Variants in MIER2 observed in about 807,000 individuals in gnomAD.
MIER2 encodes the protein MIER family member 2.
A neutral mutation model predicts 67.6 loss-of-function variants in MIER2; 30 were observed. That is an observed-to-expected ratio of 0.44 (90% CI 0.33 to 0.60). MIER2 has a LOEUF of 0.60. Ranked by LOEUF, MIER2 falls within the 20% of genes least tolerant of loss-of-function variation. The pLI is 0.02. For synonymous variants in MIER2, 372 were observed against 312.6 expected (o/e 1.19, Z -2.00); for missense variants, 702 against 745.1 (o/e 0.94, Z 0.67).
intron 1 of MIER2, among the ~76,000 whole-genome samples, chr19:341,697 C>T (rs1972511625): frequency 6.6e-6 from 1 of 152,134 alleles, no homozygotes; most frequent in African/African-American, 2.4e-5. Context: ...AGACAAAGTC[C>T]TCTGTTTTGT....
chr19:331,809 C>T (rs1232977700), intron 3 of MIER2, among the ~76,000 whole-genome samples: 4 of 151,760 alleles, frequency 2.6e-5, no homozygotes, highest in African/African-American at 7.3e-5. Flanking sequence ...GATGAAACCC[C>T]GTCTCTGCTA....
At chr19:343,945 T>C in intron 1 of MIER2, 1 of 985,440 alleles carries the variant, frequency 1.0e-6, no homozygotes, top group Non-Finnish European at 1.2e-6. Flanking sequence ...CACGAAGCTA[T>C]CTGTTGTCTT....
At chr19:323,175 C>G (rs1971568847) in intron 7 of MIER2, among the ~76,000 whole-genome samples, 1 of 149,626 alleles carries the variant, frequency 6.7e-6, no homozygotes, top group Non-Finnish European at 1.5e-5. Flanking sequence ...TCAAATGACA[C>G]AGACGTCATC....
intron 10 of MIER2, among the ~76,000 whole-genome samples, chr19:310,620 A>AGCTGTAGAAACATG (rs1600112509): frequency 1.6e-5 from 1 of 60,630 alleles, no homozygotes; most frequent in African/African-American, 1.1e-4. Flanking sequence ...ATAGAAACAC[A>AGCTGTAGAAACATG]GCCCGGAGCT....
chr19:307,028 C>A, intron 13 of MIER2, 91 bp downstream of exon 13: 1 of 1,431,316 alleles, frequency 7.0e-7, no homozygotes, highest in Middle Eastern at 2.3e-4. Flanking sequence ...GTCCTTGGGG[C>A]AAATGCCTCC....
At chr19:338,494 G>T (rs1003151027) in intron 1 of MIER2, among the ~76,000 whole-genome samples, 7 of 152,046 alleles carry the variant, frequency 4.6e-5, no homozygotes, top group African/African-American at 1.7e-4. Flanking sequence ...ACATTAAGAC[G>T]GCAACACCCC....
chr19:306,628 A>C lies in MIER2; in HGVS notation c.*62T>G. The C allele has an allele frequency of 3.2e-6, 5 of 1,545,280 alleles. No homozygotes were observed. Among genetic ancestry groups the C allele is most frequent in the Non-Finnish European group, 4.4e-6 (5 of 1,142,826 alleles). The stretch of plus-strand genomic sequence containing the variant: ...GGGAAGGGGTCAGGAAGACTGACAG[A>C]GGCGGGCCCAGCGGCAGCGCTAAGT... On this transcript the variant is annotated 3_prime_UTR_variant, in exon 14 of 14. Coordinates refer to ENST00000264819, the MANE Select transcript of MIER2 (RefSeq NM_017550.3).
At chr19:338,547 G>C (rs916727881) in intron 1 of MIER2, among the ~76,000 whole-genome samples, 1 of 151,520 alleles carries the variant, frequency 6.6e-6, no homozygotes, top group Non-Finnish European at 1.5e-5. Context: ...CAGAACCCCA[G>C]TTGGCTTCTT....
In MIER2 at chr19:334,537, A is replaced by G; in HGVS notation, c.106T>C (p.Ser36Pro). ...AACTGATGGTCTCCAGAGCCCATGG[A>G]CACCACTGGGGAGAAGAGAGCAGCC... Reference protein sequence around the residue: ...EPGLQTTAVVSMGSGDHQFNL... With the variant: ...EPGLQTTAVVPMGSGDHQFNL... The change falls in exon 3 of 14, where the codon TCC becomes CCC. Residue 36 changes from serine (S) to proline (P), a missense_variant. Physicochemically the swap from Ser to Pro is moderately conservative, Grantham distance 74 (BLOSUM62 -1). Transcript: ENST00000264819. 1 of 1,613,808 alleles carries G rather than the reference A, an allele frequency of 6.2e-7. No homozygotes were observed.
At chr19:344,415 C>T (rs1419890183) in intron 1 of MIER2, 1 of 982,294 alleles carries the variant, frequency 1.0e-6, no homozygotes, top group Non-Finnish European at 1.2e-6. Flanking sequence ...GGGCCGGGGC[C>T]GGGAACCGGA....
At chr19:332,591 C>T (rs1417386881) in intron 3 of MIER2, among the ~76,000 whole-genome samples, 2 of 141,248 alleles carry the variant, frequency 1.4e-5, no homozygotes, top group African/African-American at 5.4e-5. Flanking sequence ...CATGAGCCAC[C>T]GCGCCCAACA....
chr19:328,616 C>T (rs1400617740), intron 3 of MIER2, among the ~76,000 whole-genome samples: 1 of 152,094 alleles, frequency 6.6e-6, no homozygotes, highest in Non-Finnish European at 1.5e-5. Flanking sequence ...TGCTTGGTGG[C>T]ATCCACCTGT....
In MIER2 at chr19:336,112, G is replaced by A; in HGVS notation, c.71C>T (p.Pro24Leu). Residue 24 changes from proline to leucine, a missense_variant, in exon 2 of 14, where the codon CCA (proline) becomes CTA (leucine). Transcript: ENST00000264819. ...VVSCLEHSLCPGEPGLQTTAV... is the reference protein window; with the variant it reads ...VVSCLEHSLCLGEPGLQTTAV... ...TGTTGTCTGCAAGCCCGGCTCCCCT[G>A]GGCACAGGCTGTGCTCGAGGCAGGA... is the stretch of plus-strand genomic sequence containing the variant. The A allele has an allele frequency of 6.2e-7, 1 of 1,613,942 alleles. No homozygotes were observed. Among genetic ancestry groups the A allele is most frequent in the African/African-American group, 1.3e-5 (1 of 75,064 alleles).
At chr19:341,683 G>T (rs1214902262) in intron 1 of MIER2, among the ~76,000 whole-genome samples, 1 of 152,122 alleles carries the variant, frequency 6.6e-6, no homozygotes, top group East Asian at 1.9e-4. Context: ...TTCACTCCCA[G>T]GAAAGACAAA....
intron 10 of MIER2, among the ~76,000 whole-genome samples, chr19:310,724 C>A (rs1381456594): frequency 2.7e-5 from 4 of 150,494 alleles, no homozygotes; most frequent in Non-Finnish European, 1.5e-5. Flanking sequence ...AGGAACATGG[C>A]CCGGAGCTGT....
At position 308,565 on chromosome 19, in the gene MIER2, C is replaced by G. The variant is rs1490072406; in HGVS notation, c.1198+12G>C. The G allele has an allele frequency of 6.3e-7, 1 of 1,590,698 alleles. No individual in the cohort carries two copies. ...GCCGCCCCCAGGGCAGGAGATACTC[C>G]CCAAGCCTCACCTGTGCGCATCCCA... On this transcript the variant is annotated intron_variant, in intron 12 of 13. Transcript: ENST00000264819. The surrounding 1 kb of genome is among the most constrained non-coding windows in gnomAD (Gnocchi z 9.1).
At chr19:341,123 C>A (rs1303626056) in intron 1 of MIER2, among the ~76,000 whole-genome samples, 1 of 152,186 alleles carries the variant, frequency 6.6e-6, no homozygotes, top group Non-Finnish European at 1.5e-5. Flanking sequence ...TCACCCTCAG[C>A]CCCCTCTAGG....
chr19:315,515 G>C (rs1017166666), intron 7 of MIER2, among the ~76,000 whole-genome samples: 1 of 152,230 alleles, frequency 6.6e-6, no homozygotes, highest in Non-Finnish European at 1.5e-5. Context: ...GCAGAGACTT[G>C]AAATTTATAG....
At chr19:326,821 C>G in intron 5 of MIER2, 1 of 585,954 alleles carries the variant, frequency 1.7e-6, no homozygotes, top group African/African-American at 1.9e-5. Flanking sequence ...GGGCCCCGAG[C>G]CCTCAGTTCC....
Sources: gnomAD v4.1 joint callset for allele counts (sites outside exome capture counted in the v4.1 genomes callset) on GRCh38, gnomAD v4.1.1 for gene constraint, Gnocchi (gnomAD v3.1) non-coding constraint, MANE v1.5 for transcripts, NCBI Gene and HGNC (gene_info 2026-07-23, HGNC 2026-07-21) for gene names.